The following PLCXD3 variants were observed in gnomAD, a reference collection of about 807,000 sequenced individuals.
The protein encoded by PLCXD3 is PI-PLC X domain-containing protein 3.
Under a neutral mutation model 25.5 loss-of-function variants are expected in PLCXD3, and 19 were observed. That is an observed-to-expected ratio of 0.75 (90% CI 0.52 to 1.09). The LOEUF is 1.09. Among genes scored for constraint, PLCXD3 ranks in the 50% least tolerant of loss-of-function variants. The pLI, the probability that PLCXD3 is intolerant of heterozygous loss-of-function variation, is 0.00. For synonymous variants in PLCXD3, 174 were observed against 137.6 expected (o/e 1.26, Z -1.85); for missense variants, 411 against 388.1 (o/e 1.06, Z -0.50).
intron 1 of PLCXD3, among the ~76,000 whole-genome samples, chr5:41,474,273 T>G: frequency 6.6e-6 from 1 of 152,136 alleles, no homozygotes; most frequent in East Asian, 1.9e-4. Flanking sequence ...AGGTTCATAT[T>G]ATTACTAACA....
At chr5:41,349,042 T>G (rs895730276) in intron 2 of PLCXD3, among the ~76,000 whole-genome samples, 3 of 152,238 alleles carry the variant, frequency 2.0e-5, no homozygotes, top group Non-Finnish European at 4.4e-5. Flanking sequence ...TTTACTCATC[T>G]TTTCTATGAT....
At chr5:41,416,474 C>G (rs1182646353) in intron 1 of PLCXD3, among the ~76,000 whole-genome samples, 1 of 152,210 alleles carries the variant, frequency 6.6e-6, no homozygotes, top group Non-Finnish European at 1.5e-5. Context: ...CCATCTCCTA[C>G]TTTCAGAATT....
rs70988847 is a variant in PLCXD3, at chr5:41,446,176, C to CAAAAAAAAAAAAAAAAAAAAAAA, written c.104-63665_104-63643dup. On this transcript the variant is annotated intron_variant, in intron 1 of 2. Transcript: ENST00000377801. ...TGGGCGACGGAGCCAGACTCCTTCT[C>CAAAAAAAAAAAAAAAAAAAAAAA]AAAAAAAAAAAAAAAAAAAAAAAAA... 2.1e-4 allele frequency among the ~76,000 whole-genome samples: 8 copies of CAAAAAAAAAAAAAAAAAAAAAAA among 38,122 alleles called. 1 individual carries two copies. Among genetic ancestry groups the CAAAAAAAAAAAAAAAAAAAAAAA allele is most frequent in the Non-Finnish European group, 4.0e-4 (8 of 19,890 alleles). The allele number at this position is 38,122 out of a possible 152,430, so 25.0% of individuals were successfully genotyped here.
intron 1 of PLCXD3, among the ~76,000 whole-genome samples, chr5:41,468,776 C>A (rs1022327814): frequency 3.3e-5 from 5 of 152,052 alleles, no homozygotes; most frequent in African/African-American, 1.2e-4. Context: ...GTGATAGAGT[C>A]TTTAGGATTT....
At chr5:41,487,084 C>G (rs1202026736) in intron 1 of PLCXD3, among the ~76,000 whole-genome samples, 1 of 151,922 alleles carries the variant, frequency 6.6e-6, no homozygotes, top group African/African-American at 2.4e-5. Context: ...TTCTTCAAAG[C>G]CTTTATTATG....
chr5:41,491,363 C>G (rs1015392107), intron 1 of PLCXD3, among the ~76,000 whole-genome samples: 14 of 152,086 alleles, frequency 9.2e-5, no homozygotes, highest in African/African-American at 3.1e-4. Context: ...ACTATATGGT[C>G]AATTTTGGAA....
intron 2 of PLCXD3, among the ~76,000 whole-genome samples, chr5:41,337,547 A>G (rs1001346589): frequency 1.3e-5 from 2 of 152,178 alleles, no homozygotes; most frequent in Admixed American, 6.6e-5. Context: ...CCAAATTCAG[A>G]AATTTCACTT....
chr5:41,366,415 G>T (rs1168795782), intron 2 of PLCXD3, among the ~76,000 whole-genome samples: 2 of 152,136 alleles, frequency 1.3e-5, no homozygotes, highest in Non-Finnish European at 2.9e-5. Flanking sequence ...GTACCACATG[G>T]GGTATCTGAG....
chr5:41,454,106 G>A (rs1403704977), intron 1 of PLCXD3, among the ~76,000 whole-genome samples: 1 of 151,908 alleles, frequency 6.6e-6, no homozygotes. Context: ...TGTATACTGA[G>A]TTAAATAAAG....
chr5:41,348,132 T>C (rs1166479611), intron 2 of PLCXD3, among the ~76,000 whole-genome samples: 1 of 152,230 alleles, frequency 6.6e-6, no homozygotes, highest in African/African-American at 2.4e-5. Context: ...CACTTTGAGG[T>C]AGGTTAATAG....
intron 1 of PLCXD3, among the ~76,000 whole-genome samples, chr5:41,456,391 G>A (rs1475035443): frequency 4.0e-5 from 6 of 151,654 alleles, no homozygotes; most frequent in Non-Finnish European, 8.8e-5. Flanking sequence ...AACATTCTGT[G>A]TTCTGCTAAG....
At chr5:41,405,467 C>G (rs569500539) in intron 1 of PLCXD3, among the ~76,000 whole-genome samples, 7 of 152,068 alleles carry the variant, frequency 4.6e-5, no homozygotes, top group Admixed American at 1.3e-4. Flanking sequence ...GATGTTATTA[C>G]GAACACTTGT....
At chr5:41,497,036 G>A (rs1391533178) in intron 1 of PLCXD3, among the ~76,000 whole-genome samples, 5 of 150,676 alleles carry the variant, frequency 3.3e-5, no homozygotes, top group African/African-American at 1.2e-4. Flanking sequence ...TAAAACTAAT[G>A]GTAGCCACGA....
At chr5:41,362,530 A>G (rs1404192583) in intron 2 of PLCXD3, among the ~76,000 whole-genome samples, 1 of 152,236 alleles carries the variant, frequency 6.6e-6, no homozygotes, top group African/African-American at 2.4e-5. Flanking sequence ...TGCAAAAAAT[A>G]TTAGTTCTAA....
intron 1 of PLCXD3, among the ~76,000 whole-genome samples, chr5:41,509,309 T>C (rs532925201): frequency 5.9e-5 from 9 of 152,222 alleles, no homozygotes; most frequent in African/African-American, 2.2e-4. Flanking sequence ...ATGAGTAATT[T>C]GCCCTCCAGC....
intron 1 of PLCXD3, among the ~76,000 whole-genome samples, chr5:41,412,153 A>C (rs1746566233): frequency 6.6e-6 from 1 of 152,032 alleles, no homozygotes; most frequent in African/African-American, 2.4e-5. Context: ...ACTGGATTCA[A>C]ATCGTGGTCA....
chr5:41,401,155 G>A (rs1300912536), intron 1 of PLCXD3, among the ~76,000 whole-genome samples: 6 of 151,956 alleles, frequency 3.9e-5, no homozygotes, highest in Admixed American at 3.3e-4. Context: ...TTCTTTCAGT[G>A]TGTGACTTTC....
At chr5:41,445,307 G>A (rs1747468624) in intron 1 of PLCXD3, among the ~76,000 whole-genome samples, 1 of 152,190 alleles carries the variant, frequency 6.6e-6, no homozygotes, top group African/African-American at 2.4e-5. Context: ...CTCTCATTAA[G>A]GAAGGGCACA....
At chr5:41,322,383 G>C (rs139174733) in intron 2 of PLCXD3, among the ~76,000 whole-genome samples, 1 of 152,234 alleles carries the variant, frequency 6.6e-6, no homozygotes, top group East Asian at 1.9e-4. Context: ...AGTTAAAATG[G>C]TTTATATCCA....
Sources: allele counts gnomAD v4.1 joint callset (sites outside exome capture counted in the v4.1 genomes callset), GRCh38; gene constraint gnomAD v4.1.1; transcripts MANE v1.5; gene names NCBI Gene and HGNC (gene_info 2026-07-23, HGNC 2026-07-21).